The following CLDN10 variants were observed in gnomAD, a reference collection of about 807,000 sequenced individuals.
CLDN10 encodes claudin-10.
In CLDN10, 15 loss-of-function variants were observed where a neutral mutation model predicts 22.9. The observed-to-expected ratio is 0.65, with a 90% CI of 0.44 to 1.01. CLDN10 has a LOEUF of 1.01. CLDN10 is among the 50% of genes least tolerant of loss of function. CLDN10 has a pLI of 0.00. For synonymous variants in CLDN10, 114 were observed against 111.4 expected (o/e 1.02, Z -0.15); for missense variants, 247 against 287.8 (o/e 0.86, Z 1.03).
At chr13:95,501,313 C>T (rs57425400) in intron 1 of CLDN10, among the ~76,000 whole-genome samples, 4,319 of 152,150 alleles carry the variant, frequency 0.028, 87 homozygotes, top group Middle Eastern at 0.072. Context: ...CACATCCAGC[C>T]CATTTTTTTT....
intron 3 of CLDN10, among the ~76,000 whole-genome samples, chr13:95,576,754 A>G (rs2043934515): frequency 6.6e-6 from 1 of 152,242 alleles, no homozygotes; most frequent in Non-Finnish European, 1.5e-5. Context: ...TCATTTCCCC[A>G]CTAGACTGCA....
intron 3 of CLDN10, among the ~76,000 whole-genome samples, chr13:95,569,048 C>T (rs1209306934): frequency 3.3e-5 from 5 of 152,126 alleles, no homozygotes; most frequent in African/African-American, 1.2e-4. Context: ...AGATAGTATA[C>T]TTCAACTGTT....
chr13:95,514,804 G>A (rs760665300), intron 1 of CLDN10, among the ~76,000 whole-genome samples: 3 of 152,144 alleles, frequency 2.0e-5, no homozygotes, highest in Non-Finnish European at 2.9e-5. Flanking sequence ...TGCTTTATAA[G>A]TTAAGAGGCT....
At position 95,578,096 on chromosome 13, in the gene CLDN10, A is replaced by G; in HGVS notation, c.*82A>G. 1.4e-6 allele frequency: 1 copy of G among 692,890 alleles called. No individual in the cohort carries two copies. The allele number at this position is 692,890 out of a possible 1,614,324, so 42.9% of individuals were successfully genotyped here. A position where few individuals can be genotyped will look rare whatever the true frequency, so the allele number is the denominator to read the frequency against. Reference sequence around the variant, plus strand: ...AATGATCCCATCAAGGCCCTCCCATAATTAACACTCAAAACTATTTTTAAA... The same window carrying G: ...AATGATCCCATCAAGGCCCTCCCATGATTAACACTCAAAACTATTTTTAAA... On this transcript the variant is annotated 3_prime_UTR_variant, in exon 5 of 5. Transcript: ENST00000299339.
At chr13:95,527,664 A>C (rs1465413720) in intron 1 of CLDN10, among the ~76,000 whole-genome samples, 1 of 152,216 alleles carries the variant, frequency 6.6e-6, no homozygotes, top group Non-Finnish European at 1.5e-5. Flanking sequence ...TGAATCAGGG[A>C]GCTGGAGGCT....
chr13:95,473,608 C>T (rs752412175), intron 1 of CLDN10, among the ~76,000 whole-genome samples: 2 of 152,218 alleles, frequency 1.3e-5, no homozygotes, highest in African/African-American at 2.4e-5. Flanking sequence ...ATTCAGCTGA[C>T]CTCTAATGAG....
chr13:95,495,743 C>CAAAAA (rs71722865), intron 1 of CLDN10, among the ~76,000 whole-genome samples: 1,445 of 85,098 alleles, frequency 0.017, 39 homozygotes, highest in Middle Eastern at 0.029. Context: ...GACTCCACCT[C>CAAAAA]AAAAAAAAAA....
chr13:95,453,282 T>C (rs2042449722), intron 1 of CLDN10, among the ~76,000 whole-genome samples: 1 of 152,212 alleles, frequency 6.6e-6, no homozygotes, highest in Non-Finnish European at 1.5e-5. Context: ...TACCTGCTCT[T>C]GTCTGTCGGG....
At chr13:95,551,719 G>A (rs963661534), upstream of CLDN10, among the ~76,000 whole-genome samples, 4 of 152,178 alleles carry the variant, frequency 2.6e-5, no homozygotes, top group African/African-American at 9.7e-5. Flanking sequence ...GAACCTTTAA[G>A]TGGACAAATA....
At chr13:95,493,977 G>A (rs113373493) in intron 1 of CLDN10, among the ~76,000 whole-genome samples, 84 of 152,108 alleles carry the variant, frequency 5.5e-4, no homozygotes, top group African/African-American at 1.9e-3. Context: ...TATCATTTTC[G>A]CTCATTCATA....
chr13:95,557,136 G>A (rs1484333317), intron 1 of CLDN10, among the ~76,000 whole-genome samples: 1 of 152,174 alleles, frequency 6.6e-6, no homozygotes, highest in African/African-American at 2.4e-5. Context: ...ATTTCTCCCA[G>A]GAGAACTAAC....
rs145637816 is a variant in CLDN10, at chr13:95,525,433, G to A, written c.215-34699G>A. ...TTTGCAAATATCTTTTTCCCATTCT[G>A]TGGGTTGTCTACTAACCCCAAATGA... On this transcript the variant is annotated intron_variant, in intron 1 of 4. Coordinates refer to the CLDN10 transcript ENST00000376873. Among the ~76,000 whole-genome samples, 409 of 151,962 alleles carry A rather than the reference G, an allele frequency of 2.7e-3. 2 individuals carry two copies. Among genetic ancestry groups the A allele is most frequent in the African/African-American group, 9.4e-3 (389 of 41,430 alleles).
chr13:95,511,844 C>G (rs1366848093), intron 1 of CLDN10, among the ~76,000 whole-genome samples: 1 of 66,496 alleles, frequency 1.5e-5, no homozygotes, highest in Non-Finnish European at 3.1e-5. Context: ...CTTTTTTTCT[C>G]TTTTTATTAT....
intron 3 of CLDN10, among the ~76,000 whole-genome samples, chr13:95,565,395 C>T (rs2043772569): frequency 6.6e-6 from 1 of 152,142 alleles, no homozygotes; most frequent in Non-Finnish European, 1.5e-5. Flanking sequence ...GAATTGTTGT[C>T]TTAGACTTAT....
Position 95,498,367 on chromosome 13 carries a change from C to A in CLDN10, c.215-61765C>A, listed in dbSNP as rs567841035. On this transcript the variant is annotated intron_variant, in intron 1 of 4. Transcript: ENST00000376873. The stretch of plus-strand genomic sequence containing the variant: ...ACTACACACACAAGATGTCTATGGG[C>A]AAAATATTTTATGGGTGATATACTC... Among the ~76,000 whole-genome samples the A allele has an allele frequency of 4.6e-5, 7 of 152,228 alleles. No individual in the cohort carries two copies. The South Asian group carries it at 1.5e-3, about 32-fold the overall frequency.
intron 1 of CLDN10, among the ~76,000 whole-genome samples, chr13:95,533,310 G>A (rs1205747417): frequency 6.6e-6 from 1 of 151,916 alleles, no homozygotes; most frequent in African/African-American, 2.4e-5. Context: ...GTAGAATGTA[G>A]GTGTTGGGTA....
At position 95,466,195 on chromosome 13, in the gene CLDN10, C is replaced by G. The variant is rs114730778; in HGVS notation, c.214+32148C>G. On this transcript the variant is annotated intron_variant, in intron 1 of 4. Coordinates refer to the CLDN10 transcript ENST00000376873. ...AATTCTTTTTATATGTGTCTGGATTCGGTTTGCTATTACTTTATTGAGGAT... is the reference window on the plus strand; with the variant it reads ...AATTCTTTTTATATGTGTCTGGATTGGGTTTGCTATTACTTTATTGAGGAT... 5.9e-3 allele frequency among the ~76,000 whole-genome samples: 899 copies of G among 151,866 alleles called. 13 individuals carry two copies. The highest frequency in any genetic ancestry group is 0.021 in the African/African-American group (850 of 41,428).
chr13:95,482,131 ATGT>A (rs953807121), intron 1 of CLDN10, among the ~76,000 whole-genome samples: 2 of 152,218 alleles, frequency 1.3e-5, no homozygotes, highest in Non-Finnish European at 2.9e-5. Context: ...TGGATACCCC[ATGT>A]TACATGATGT....
chr13:95,521,824 CCT>C (rs1196918020), intron 1 of CLDN10, among the ~76,000 whole-genome samples: 9 of 151,902 alleles, frequency 5.9e-5, no homozygotes, highest in African/African-American at 1.9e-4. Context: ...ATTTAAATTG[CCT>C]CTCTCAGTTA....
Sources: gnomAD v4.1 joint callset for allele counts (sites outside exome capture counted in the v4.1 genomes callset) on GRCh38, gnomAD v4.1.1 for gene constraint, MANE v1.5 for transcripts, NCBI Gene and HGNC (gene_info 2026-07-23, HGNC 2026-07-21) for gene names.